IMMP2L: variants seen among roughly 807,000 people sequenced by gnomAD.
The protein encoded by IMMP2L is mitochondrial inner membrane protease subunit 2.
Under a neutral mutation model 19.3 loss-of-function variants are expected in IMMP2L, and 18 were observed. The ratio of observed to expected loss-of-function variants is 0.93; its 90% CI spans 0.64 to 1.38. The LOEUF (loss-of-function observed/expected upper bound fraction) is 1.38. Among genes scored for constraint, IMMP2L ranks in the 40% most tolerant of loss-of-function variants. The pLI is 0.00. For missense variants in IMMP2L, 233 were observed against 218.2 expected (o/e 1.07, Z -0.43); for synonymous variants, 76 against 73.0 (o/e 1.04, Z -0.21).
intron 5 of IMMP2L, among the ~76,000 whole-genome samples, chr7:110,820,667 T>A (rs61283445): frequency 0.084 from 12,709 of 152,004 alleles, 781 homozygotes; most frequent in African/African-American, 0.17. Flanking sequence ...AATTTATCAA[T>A]AAAGGAGAAT....
At chr7:111,539,013 G>A (rs537859845) in intron 1 of IMMP2L, among the ~76,000 whole-genome samples, 5 of 150,810 alleles carry the variant, frequency 3.3e-5, no homozygotes, top group Middle Eastern at 3.4e-3. Context: ...CCAGCTACTC[G>A]GGAGGCTAAA....
chr7:111,119,823 G>C (rs1019614335), intron 3 of IMMP2L, among the ~76,000 whole-genome samples: 3 of 152,160 alleles, frequency 2.0e-5, no homozygotes, highest in African/African-American at 7.2e-5. Flanking sequence ...CCTGGTGAAG[G>C]AAAGGATCAA....
chr7:110,736,944 G>A (rs937815498), intron 5 of IMMP2L, among the ~76,000 whole-genome samples: 9 of 152,130 alleles, frequency 5.9e-5, no homozygotes, highest in African/African-American at 1.7e-4. Context: ...GAATGTATTC[G>A]TATGTGAGAA....
chr7:111,507,038 C>T (rs1365511403), intron 2 of IMMP2L, among the ~76,000 whole-genome samples: 3 of 151,876 alleles, frequency 2.0e-5, no homozygotes, highest in South Asian at 2.1e-4. Context: ...GACAGAGTTT[C>T]GCCAGTTGCC....
chr7:111,456,263 A>G (rs1330888233), intron 3 of IMMP2L, among the ~76,000 whole-genome samples: 2 of 152,062 alleles, frequency 1.3e-5, no homozygotes, highest in Non-Finnish European at 2.9e-5. Context: ...AGGGCAAACA[A>G]GATGGTATCA....
intron 3 of IMMP2L, among the ~76,000 whole-genome samples, chr7:111,219,410 T>C (rs1812289537): frequency 6.6e-6 from 1 of 152,076 alleles, no homozygotes; most frequent in East Asian, 1.9e-4. Flanking sequence ...GACCCTAAAT[T>C]TTAAACAAAT....
At chr7:110,792,476 T>C (rs1800529749) in intron 5 of IMMP2L, among the ~76,000 whole-genome samples, 1 of 152,108 alleles carries the variant, frequency 6.6e-6, no homozygotes, top group African/African-American at 2.4e-5. Flanking sequence ...CATCCGGCTT[T>C]TCTGGCCTTT....
intron 5 of IMMP2L, among the ~76,000 whole-genome samples, chr7:110,765,706 T>A (rs554626140): frequency 6.6e-6 from 1 of 152,320 alleles, no homozygotes; most frequent in African/African-American, 2.4e-5. Context: ...GTGCGCTGTC[T>A]GTTTAGATAC....
intron 4 of IMMP2L, among the ~76,000 whole-genome samples, chr7:110,922,759 T>C (rs1814427643): frequency 6.6e-6 from 1 of 152,128 alleles, no homozygotes; most frequent in South Asian, 2.1e-4. Flanking sequence ...CCACCGATTG[T>C]AAGAATATGA....
chr7:111,210,205 A>G (rs1014042102), intron 3 of IMMP2L, among the ~76,000 whole-genome samples: 1 of 152,148 alleles, frequency 6.6e-6, no homozygotes, highest in African/African-American at 2.4e-5. Context: ...ATTCCCTAGG[A>G]AGAGACCCCT....
intron 3 of IMMP2L, among the ~76,000 whole-genome samples, chr7:111,016,824 AAT>A (rs1157406214): frequency 4.3e-4 from 23 of 54,106 alleles, no homozygotes; most frequent in Middle Eastern, 0.024. Flanking sequence ...TATTATATAT[AAT>A]ATATAGTATA....
At chr7:110,679,121 ACACC>A (rs1293965418) in intron 5 of IMMP2L, among the ~76,000 whole-genome samples, 3 of 152,090 alleles carry the variant, frequency 2.0e-5, no homozygotes, top group Non-Finnish European at 4.4e-5. Context: ...TCCCCCCAAG[ACACC>A]CTCAGTAAGT....
chr7:111,343,137 A>G (rs1043717633), intron 3 of IMMP2L, among the ~76,000 whole-genome samples: 1 of 152,100 alleles, frequency 6.6e-6, no homozygotes, highest in Non-Finnish European at 1.5e-5. Context: ...GAGTGGTTGT[A>G]TCCCTTTCCA....
chr7:111,488,027 C>T (rs147580186), intron 2 of IMMP2L, among the ~76,000 whole-genome samples: 2 of 152,110 alleles, frequency 1.3e-5, no homozygotes, highest in Non-Finnish European at 1.5e-5. Flanking sequence ...AGGAACCATA[C>T]AGGCACAAAA....
intron 4 of IMMP2L, among the ~76,000 whole-genome samples, chr7:110,927,396 A>T (rs1272517147): frequency 6.6e-6 from 1 of 152,184 alleles, no homozygotes; most frequent in Non-Finnish European, 1.5e-5. Flanking sequence ...ATGTTACATT[A>T]CATGGCAAAG....
intron 3 of IMMP2L, among the ~76,000 whole-genome samples, chr7:111,249,488 C>G (rs1388239526): frequency 6.6e-6 from 1 of 151,766 alleles, no homozygotes; most frequent in Non-Finnish European, 1.5e-5. Flanking sequence ...TTCTGCGTCG[C>G]TCACGCTGGG....
At chr7:111,410,054 G>T (rs1834263532) in intron 3 of IMMP2L, among the ~76,000 whole-genome samples, 1 of 151,840 alleles carries the variant, frequency 6.6e-6, no homozygotes, top group African/African-American at 2.4e-5. Context: ...GCTATGCAGA[G>T]ATTGGCATAA....
At chr7:111,444,485 G>T (rs1049744742) in intron 3 of IMMP2L, among the ~76,000 whole-genome samples, 1 of 151,986 alleles carries the variant, frequency 6.6e-6, no homozygotes, top group African/African-American at 2.4e-5. Context: ...GGTACAAATA[G>T]GACTAAATAA....
At chr7:111,414,350 T>G (rs561943667) in intron 3 of IMMP2L, among the ~76,000 whole-genome samples, 2 of 151,924 alleles carry the variant, frequency 1.3e-5, no homozygotes, top group South Asian at 4.1e-4. Context: ...TAAAAAATCA[T>G]AACCTATAAA....
Sources: allele counts gnomAD v4.1 joint callset (sites outside exome capture counted in the v4.1 genomes callset), GRCh38; gene constraint gnomAD v4.1.1; transcripts MANE v1.5; gene names NCBI Gene and HGNC (gene_info 2026-07-23, HGNC 2026-07-21).